SNX30: variants seen among roughly 807,000 people sequenced by gnomAD.
SNX30 encodes the protein sorting nexin-30.
SNX30 carries 24 observed loss-of-function variants against 46.4 expected under a neutral mutation model. The observed-to-expected ratio is 0.52, with a 90% confidence interval of 0.37 to 0.73. The LOEUF (loss-of-function observed/expected upper bound fraction) is 0.73. Among genes scored for constraint, SNX30 ranks in the 30% least tolerant of loss-of-function variants. SNX30 has a pLI of 0.00. For synonymous variants in SNX30, 189 were observed against 211.5 expected (o/e 0.89, Z 0.92); for missense variants, 533 against 555.7 (o/e 0.96, Z 0.41).
chr9:112,798,121 C>CTTTTTTTT (rs57300324), intron 1 of SNX30, among the ~76,000 whole-genome samples: 5 of 77,880 alleles, frequency 6.4e-5, no homozygotes, highest in Non-Finnish European at 1.2e-4. Context: ...TTTTTTTTTT[C>CTTTTTTTT]TTTTTTTTTT....
chr9:112,831,853 G>A (rs959616533), intron 4 of SNX30, among the ~76,000 whole-genome samples: 1 of 152,188 alleles, frequency 6.6e-6, no homozygotes, highest in South Asian at 2.1e-4. Flanking sequence ...CAGAAATGGG[G>A]TCACATGCTC....
At chr9:112,856,466 T>G (rs1841131276) in intron 7 of SNX30, among the ~76,000 whole-genome samples, 2 of 147,662 alleles carry the variant, frequency 1.4e-5, no homozygotes, top group African/African-American at 2.5e-5. Context: ...GGAGCATGGG[T>G]GTGGAGGGGA....
At chr9:112,756,131 T>A (rs1033350497) in intron 1 of SNX30, among the ~76,000 whole-genome samples, 1 of 152,170 alleles carries the variant, frequency 6.6e-6, no homozygotes, top group Non-Finnish European at 1.5e-5. Context: ...CAGATTAAGA[T>A]ACAGAATATT....
In SNX30 at chr9:112,821,635, C is replaced by T. The variant is rs145092686; in HGVS notation, c.459+3820C>T. On this transcript the variant is annotated intron_variant, in intron 3 of 8. Transcript: ENST00000374232. ...CCTAGTACCTGGGACTACAGGCGCCCGCCACCATGCCTGGCTAATTTTTTG... is the reference window on the plus strand; with the variant it reads ...CCTAGTACCTGGGACTACAGGCGCCTGCCACCATGCCTGGCTAATTTTTTG... 7.9e-5 allele frequency among the ~76,000 whole-genome samples: 12 copies of T among 151,726 alleles called. No individual in the cohort carries two copies. In the South Asian group the frequency reaches 1.3e-3, roughly 16 times the overall value.
intron 1 of SNX30, among the ~76,000 whole-genome samples, chr9:112,765,056 A>G (rs535815892): frequency 2.0e-5 from 3 of 152,240 alleles, no homozygotes; most frequent in Admixed American, 2.0e-4. Context: ...ACCTGGGCCA[A>G]TCAACAGTGG....
intron 2 of SNX30, among the ~76,000 whole-genome samples, chr9:112,814,779 G>A (rs773480525): frequency 4.6e-5 from 7 of 152,114 alleles, no homozygotes; most frequent in Non-Finnish European, 1.0e-4. Context: ...AAAAGTATAT[G>A]TACACTTTTG....
Position 112,863,432 on chromosome 9 carries a change from A to G in SNX30, c.1102-815A>G, listed in dbSNP as rs1365427372. Among the ~76,000 whole-genome samples, 8 of 152,226 alleles carry G rather than the reference A, an allele frequency of 5.3e-5. No homozygotes were observed. In the South Asian group the frequency reaches 1.7e-3, roughly 32 times the overall value. The stretch of plus-strand genomic sequence containing the variant: ...AGCTTTGGGAAGCGCTGCAGCCACA[A>G]AGCCCAAACTCCAGCTGCACAGGAT... On this transcript the variant is annotated intron_variant, in intron 7 of 8. Transcript: ENST00000374232.
chr9:112,760,043 G>A (rs375349563), intron 1 of SNX30, among the ~76,000 whole-genome samples: 65 of 152,274 alleles, frequency 4.3e-4, no homozygotes, highest in African/African-American at 1.4e-3. Context: ...TTCTATATTA[G>A]TTGAGGTCTG....
intron 1 of SNX30, among the ~76,000 whole-genome samples, chr9:112,775,943 A>G (rs1423832223): frequency 6.6e-6 from 1 of 152,096 alleles, no homozygotes; most frequent in South Asian, 2.1e-4. Context: ...ATGATTACAT[A>G]GTATTCCATT....
rs34515014 is a variant in SNX30, at chr9:112,832,459, AGTGT to A, written c.618+1610_618+1613del. The stretch of plus-strand genomic sequence containing the variant: ...GAGAGAGAGAGAGAGAGAGAGAGAG[AGTGT>A]GTGTGTGTGTGTGTGTGTGTGTGTG... On this transcript the variant is annotated intron_variant, in intron 4 of 8. Coordinates refer to ENST00000374232, the MANE Select transcript of SNX30 (RefSeq NM_001012994.2). Among the ~76,000 whole-genome samples, 209 of 111,158 alleles carry A rather than the reference AGTGT, an allele frequency of 1.9e-3. 2 individuals are homozygous for A. The highest frequency in any genetic ancestry group is 4.2e-3 in the Middle Eastern group (1 of 236). 72.9% of individuals were successfully genotyped at this position (111,158 alleles called of 152,430 possible).
intron 7 of SNX30, among the ~76,000 whole-genome samples, chr9:112,854,781 T>G (rs10759601): frequency 1.2e-4 from 19 of 152,004 alleles, no homozygotes; most frequent in Non-Finnish European, 1.2e-4. Flanking sequence ...AATGGGATGG[T>G]CCTGGGTTCA....
intron 1 of SNX30, among the ~76,000 whole-genome samples, chr9:112,752,801 G>A (rs1839297493): frequency 6.6e-6 from 1 of 152,204 alleles, no homozygotes; most frequent in South Asian, 2.1e-4. Context: ...AATCTGAGTG[G>A]TTCTGAATTA....
intron 1 of SNX30, among the ~76,000 whole-genome samples, chr9:112,795,765 TCACACACACACA>T (rs1554751568): frequency 8.1e-6 from 1 of 123,222 alleles, no homozygotes; most frequent in African/African-American, 3.2e-5. Flanking sequence ...CACAGTACAG[TCACACACACACA>T]CACACACACA....
chr9:112,830,706 T>C lies in SNX30; in HGVS notation c.460-19T>C. 6.3e-7 allele frequency: 1 copy of C among 1,598,462 alleles called. No individual in the cohort carries two copies. The highest frequency in any genetic ancestry group is 8.5e-7 in the Non-Finnish European group (1 of 1,175,120). ...CCATCTCATCAATTACTCTGGTTTT[T>C]TTCTTCATGTCTTCATAGCCTCTTC... On this transcript the variant is annotated intron_variant, in intron 3 of 8. Coordinates refer to ENST00000374232, the MANE Select transcript of SNX30 (RefSeq NM_001012994.2).
At chr9:112,857,797 C>G (rs1484247958) in intron 7 of SNX30, among the ~76,000 whole-genome samples, 1 of 151,986 alleles carries the variant, frequency 6.6e-6, no homozygotes, top group Non-Finnish European at 1.5e-5. Context: ...TCCATCCAAC[C>G]ATCCATCCAT....
rs1476552877 is a variant in SNX30 at position 112,865,647 on chromosome 9, A to G, written c.1254+1248A>G. Among the ~76,000 whole-genome samples the G allele has an allele frequency of 2.2e-4, 19 of 85,188 alleles. 2 individuals carry two copies. The highest frequency in any genetic ancestry group is 1.4e-3 in the East Asian group (4 of 2,960). The allele number at this position is 85,188 out of a possible 152,430, so 55.9% of individuals were successfully genotyped here. A position where few individuals can be genotyped will look rare whatever the true frequency, so the allele number is the denominator to read the frequency against. ...GCCATATATATATATATATATATAT[A>G]TATATATATATATATGTATGTATGT... is the stretch of plus-strand genomic sequence containing the variant. On this transcript the variant is annotated intron_variant, in intron 8 of 8. Transcript: ENST00000374232.
At chr9:112,778,041 A>G (rs904154537) in intron 1 of SNX30, among the ~76,000 whole-genome samples, 1 of 152,000 alleles carries the variant, frequency 6.6e-6, no homozygotes, top group East Asian at 1.9e-4. Context: ...GCTGCAGTCA[A>G]CTGGAGGTTC....
At chr9:112,775,696 C>G (rs1839735613) in intron 1 of SNX30, among the ~76,000 whole-genome samples, 1 of 151,798 alleles carries the variant, frequency 6.6e-6, no homozygotes, top group Non-Finnish European at 1.5e-5. Context: ...AGGTTTCCCT[C>G]CTCAGAGGCA....
In SNX30 at chr9:112,871,399, A is replaced by G. The variant is rs1841442479; in HGVS notation, c.*2556A>G. 6.6e-6 allele frequency: 1 copy of G among 152,036 alleles called. No individual in the cohort carries two copies. Among genetic ancestry groups the G allele is most frequent in the African/African-American group, 2.4e-5 (1 of 41,390 alleles). 9.4% of individuals were successfully genotyped at this position (152,036 alleles called of 1,614,324 possible). On this transcript the variant is annotated 3_prime_UTR_variant, in exon 9 of 9. Transcript: ENST00000374232. ...GGGCCTCTGAGGGCCAGCAGTCCCA[A>G]CCATTTGCCTCTTCGTTTTGACCAA...
Sources: gnomAD v4.1 joint callset for allele counts (sites outside exome capture counted in the v4.1 genomes callset) on GRCh38, gnomAD v4.1.1 for gene constraint, MANE v1.5 for transcripts, NCBI Gene and HGNC (gene_info 2026-07-23, HGNC 2026-07-21) for gene names.